XPA: variants seen among roughly 807,000 people sequenced by gnomAD.
XPA encodes the protein XPA, DNA damage recognition and repair factor.
A neutral mutation model predicts 35.7 loss-of-function variants in XPA; 27 were observed. That is an observed-to-expected ratio of 0.76 (90% CI 0.56 to 1.04). The LOEUF is 1.04. Among genes scored for constraint, XPA ranks in the 50% least tolerant of loss-of-function variants. The pLI, the probability that XPA is intolerant of heterozygous loss-of-function variation, is 0.00. For synonymous variants in XPA, 133 were observed against 118.4 expected, an observed-to-expected ratio of 1.12 and a Z score of -0.80; for missense variants, 354 against 342.7, an observed-to-expected ratio of 1.03 and a Z score of -0.26.
intron 5 of XPA, 64 bp from the exon 6 acceptor site, chr9:97,675,651 C>G: frequency 6.3e-7 from 1 of 1,595,092 alleles, no homozygotes; most frequent in Non-Finnish European, 8.6e-7. Context: ...AAAAATCCAA[C>G]TCCATCAAGC....
intron 5 of XPA, chr9:97,682,305 G>A (rs779266297): frequency 1.2e-5 from 6 of 518,744 alleles, no homozygotes; most frequent in Middle Eastern, 3.2e-4. Context: ...TTTTAGACTT[G>A]CTTTTATTCC....
chr9:97,668,966 A>G, the XPA span: 6 of 1,609,650 alleles, frequency 3.7e-6, no homozygotes, highest in Non-Finnish European at 4.2e-6. Flanking sequence ...TTTCCTCGTT[A>G]TATTTCAGGT....
intron 5 of XPA, among the ~76,000 whole-genome samples, chr9:97,683,471 T>G (rs1201739048): frequency 6.6e-6 from 1 of 152,190 alleles, no homozygotes; most frequent in Non-Finnish European, 1.5e-5. Flanking sequence ...CATGAATGTG[T>G]GCCTTACCTT....
At chr9:97,665,225 G>A in the XPA span, among the ~76,000 whole-genome samples, 2 of 152,356 alleles carry the variant, frequency 1.3e-5, no homozygotes, top group African/African-American at 4.8e-5. Flanking sequence ...TACCGGCCAG[G>A]TTGGCCTTCA....
chr9:97,688,449 C>T (rs757971884), intron 3 of XPA, among the ~76,000 whole-genome samples: 10 of 152,184 alleles, frequency 6.6e-5, no homozygotes, highest in African/African-American at 1.2e-4. Flanking sequence ...CTCCCCATCT[C>T]GAGGTCTTTA....
the XPA span, among the ~76,000 whole-genome samples, chr9:97,657,879 C>T: frequency 2.9e-5 from 4 of 140,014 alleles, no homozygotes; most frequent in South Asian, 4.4e-4. Flanking sequence ...TGAGGAGCCC[C>T]GGTAAGCTCT....
At chr9:97,658,455 G>A in the XPA span, among the ~76,000 whole-genome samples, 1 of 152,218 alleles carries the variant, frequency 6.6e-6, no homozygotes, top group Non-Finnish European at 1.5e-5. Context: ...AGTGAGTTTT[G>A]CAGTATGCCT....
intron 2 of XPA, 132 bp from the exon 3 acceptor site, chr9:97,689,771 C>A (rs983184482): frequency 2.3e-5 from 12 of 530,014 alleles, no homozygotes; most frequent in South Asian, 9.2e-5. Context: ...CAAAATAAGA[C>A]CTTATGTTTA....
At chr9:97,657,290 A>G in the XPA span, among the ~76,000 whole-genome samples, 1 of 152,266 alleles carries the variant, frequency 6.6e-6, no homozygotes, top group South Asian at 2.1e-4. Context: ...ATCCAGGTAC[A>G]TATATAGTGT....
chr9:97,657,919 T>G, the XPA span, among the ~76,000 whole-genome samples: 1 of 104,558 alleles, frequency 9.6e-6, no homozygotes, highest in African/African-American at 4.7e-5. Context: ...TATATATATA[T>G]ATATATATTT....
intron 1 of XPA, among the ~76,000 whole-genome samples, chr9:97,696,196 TAA>T (rs928438049): frequency 2.6e-5 from 4 of 152,164 alleles, no homozygotes; most frequent in Non-Finnish European, 5.9e-5. Flanking sequence ...ATCTGGCTGA[TAA>T]AAAAGAGTAA....
At chr9:97,678,188 G>A (rs1335649874) in intron 5 of XPA, among the ~76,000 whole-genome samples, 1 of 152,158 alleles carries the variant, frequency 6.6e-6, no homozygotes, top group African/African-American at 2.4e-5. Context: ...ATCACCTGAG[G>A]TCAGGAGTTC....
At position 97,694,738 on chromosome 9, in the gene XPA, C is replaced by T. The variant is rs1828991650; in HGVS notation, c.173-979G>A. ...TAACTACACCTCTCCTATGACCCAGCAATTCCATCTCCAGGCATATACACA... is the reference window on the plus strand; with the variant it reads ...TAACTACACCTCTCCTATGACCCAGTAATTCCATCTCCAGGCATATACACA... On this transcript the variant is annotated intron_variant, in intron 1 of 5. Coordinates refer to ENST00000375128, the MANE Select transcript of XPA (RefSeq NM_000380.4). Among the ~76,000 whole-genome samples, 3 of 152,146 alleles carry T rather than the reference C, an allele frequency of 2.0e-5. No homozygotes were observed. The South Asian group carries it at 6.2e-4, about 32-fold the overall frequency.
chr9:97,680,829 G>A (rs1407510107), intron 5 of XPA, among the ~76,000 whole-genome samples: 4 of 152,132 alleles, frequency 2.6e-5, no homozygotes, highest in African/African-American at 4.8e-5. Flanking sequence ...ATCGACTTTC[G>A]GGGAGCTGAG....
downstream of XPA, chr9:97,671,701 C>G (rs1254907842): frequency 6.6e-6 from 1 of 152,224 alleles, no homozygotes; most frequent in Non-Finnish European, 1.5e-5. Context: ...AAGGTGTTCT[C>G]CATTTGAAAT....
the XPA span, among the ~76,000 whole-genome samples, chr9:97,657,904 C>CTA: frequency 4.3e-5 from 3 of 70,198 alleles, no homozygotes; most frequent in African/African-American, 1.8e-4. Context: ...CTCTCTCTCT[C>CTA]TCTATATATA....
At position 97,684,904 on chromosome 9, in the gene XPA, A is replaced by G. The variant is rs200568781; in HGVS notation, c.673+19T>C. ...ATGGTAAAACACAATCCTTCACGAT[A>G]TAAAATGTGGCCATCTACCTTTTAC... is the stretch of plus-strand genomic sequence containing the variant. On this transcript the variant is annotated intron_variant, in intron 5 of 5. Coordinates refer to ENST00000375128, the MANE Select transcript of XPA (RefSeq NM_000380.4). 1.9e-4 allele frequency: 296 copies of G among 1,584,704 alleles called. No homozygotes were observed. The highest frequency in any genetic ancestry group is 2.5e-4 in the Non-Finnish European group (285 of 1,153,588).
chr9:97,655,910 C>G, the XPA span: 1 of 1,358,828 alleles, frequency 7.4e-7, no homozygotes, highest in Non-Finnish European at 1.0e-6. Flanking sequence ...TATAACTTAA[C>G]AAAACTTGTA....
chr9:97,660,022 T>C, the XPA span, among the ~76,000 whole-genome samples: 6 of 152,202 alleles, frequency 3.9e-5, no homozygotes, highest in Non-Finnish European at 7.3e-5. Context: ...CCAAGCTCAA[T>C]AGCTGTAAAT....
Sources: allele counts gnomAD v4.1 joint callset (sites outside exome capture counted in the v4.1 genomes callset), GRCh38; gene constraint gnomAD v4.1.1; transcripts MANE v1.5; gene names NCBI Gene and HGNC (gene_info 2026-07-23, HGNC 2026-07-21).